Variants in MAML3 observed in about 807,000 individuals in gnomAD.
MAML3 encodes mastermind like transcriptional coactivator 3, also known as mastermind-like protein 3.
A neutral mutation model predicts 101.9 loss-of-function variants in MAML3; 27 were observed. The ratio of observed to expected loss-of-function variants is 0.27; its 90% CI spans 0.20 to 0.37. The LOEUF is 0.37. MAML3 is among the 10% of genes least tolerant of loss of function. The pLI is 1.00. For missense variants in MAML3, 1,316 were observed against 1,444.9 expected, an observed-to-expected ratio of 0.91 and a Z score of 1.45; for synonymous variants, 501 against 555.9, an observed-to-expected ratio of 0.90 and a Z score of 1.39.
At chr4:139,932,609 G>T (rs1037863254) in intron 1 of MAML3, among the ~76,000 whole-genome samples, 4 of 152,114 alleles carry the variant, frequency 2.6e-5, no homozygotes, top group Admixed American at 1.3e-4. Context: ...CACTATCTTT[G>T]AACCAAGTCT....
At chr4:139,996,475 TG>T (rs1193414040) in intron 1 of MAML3, among the ~76,000 whole-genome samples, 9 of 152,162 alleles carry the variant, frequency 5.9e-5, no homozygotes, top group African/African-American at 2.2e-4. Context: ...AATACATAGT[TG>T]GTGTATATTC....
chr4:140,044,840 G>A (rs138553196), intron 1 of MAML3, among the ~76,000 whole-genome samples: 232 of 152,250 alleles, frequency 1.5e-3, no homozygotes, highest in African/African-American at 5.2e-3. Context: ...AGTCATTTGT[G>A]TGCCTCTTAT....
chr4:139,814,875 G>A (rs1206608027), intron 2 of MAML3, among the ~76,000 whole-genome samples: 1 of 152,148 alleles, frequency 6.6e-6, no homozygotes, highest in Admixed American at 6.5e-5. Flanking sequence ...CCTGGGCAAC[G>A]GAAGACAAAG....
intron 1 of MAML3, among the ~76,000 whole-genome samples, chr4:139,892,696 G>C (rs1732525527): frequency 6.6e-6 from 1 of 151,868 alleles, no homozygotes; most frequent in African/African-American, 2.4e-5. Context: ...GGGGCCGGGA[G>C]CGGTGGCTCA....
intron 2 of MAML3, among the ~76,000 whole-genome samples, chr4:139,859,059 T>G (rs1422002434): frequency 8.6e-5 from 13 of 152,024 alleles, no homozygotes; most frequent in Non-Finnish European, 2.9e-5. Context: ...TCAGTGAATA[T>G]CAAAAGGCAG....
chr4:139,900,054 G>A (rs773665974), intron 1 of MAML3, among the ~76,000 whole-genome samples: 2 of 77,404 alleles, frequency 2.6e-5, no homozygotes, highest in African/African-American at 8.5e-5. Context: ...CGGGGGCACC[G>A]CGGAGCCCCC....
At chr4:139,748,773 T>G (rs923665576) in intron 2 of MAML3, among the ~76,000 whole-genome samples, 3 of 144,696 alleles carry the variant, frequency 2.1e-5, no homozygotes, top group African/African-American at 7.8e-5. Flanking sequence ...AGCTCCGAGG[T>G]TTTGAACAGT....
intron 1 of MAML3, among the ~76,000 whole-genome samples, chr4:140,049,432 G>C (rs1727232386): frequency 6.6e-6 from 1 of 152,146 alleles, no homozygotes; most frequent in Non-Finnish European, 1.5e-5. Flanking sequence ...AGGAGAGGCA[G>C]GAAGCAACGC....
intron 2 of MAML3, among the ~76,000 whole-genome samples, chr4:139,741,406 T>C (rs1437978034): frequency 6.6e-6 from 1 of 152,168 alleles, no homozygotes; most frequent in Non-Finnish European, 1.5e-5. Context: ...ACATATATAG[T>C]CACTGAGAAA....
intron 1 of MAML3, among the ~76,000 whole-genome samples, chr4:140,050,484 C>T (rs1415946446): frequency 1.3e-5 from 2 of 152,158 alleles, no homozygotes; most frequent in African/African-American, 4.8e-5. Flanking sequence ...GGAGTAAAAG[C>T]CACTGACTAC....
intron 1 of MAML3, among the ~76,000 whole-genome samples, chr4:140,048,125 A>C (rs914411330): frequency 1.3e-5 from 2 of 152,194 alleles, no homozygotes; most frequent in African/African-American, 4.8e-5. Context: ...GAGACTAATG[A>C]TCACTTTTCT....
At chr4:139,831,125 A>C (rs1731157230) in intron 2 of MAML3, among the ~76,000 whole-genome samples, 1 of 152,198 alleles carries the variant, frequency 6.6e-6, no homozygotes, top group Non-Finnish European at 1.5e-5. Flanking sequence ...ACTTTCTCAT[A>C]ATCAAGGGAC....
At position 139,730,455 on chromosome 4, in the gene MAML3, CT is replaced by C. The variant is rs1728656934; in HGVS notation, c.2291del (p.Gln764ArgfsTer48). 3.2e-5 allele frequency: 49 copies of C among 1,552,106 alleles called. No individual in the cohort carries two copies. The highest frequency in any genetic ancestry group is 3.7e-5 in the Non-Finnish European group (43 of 1,147,364). On this transcript the variant is annotated frameshift_variant, in exon 3 of 5. Coordinates refer to ENST00000509479, the MANE Select transcript of MAML3 (RefSeq NM_018717.5). LOFTEE classifies it high-confidence loss of function. ...TCTGCTGCTGCTGCTGCTGCTGCTG[CT>C]GCCTTTGCTCCCGCAGGAACTGTTG... is the stretch of plus-strand genomic sequence containing the variant. ...QKQQFLREQR[Q>X]QQQQQQQQIL...
intron 1 of MAML3, among the ~76,000 whole-genome samples, chr4:140,004,139 C>T (rs529034072): frequency 1.3e-5 from 2 of 152,298 alleles, no homozygotes; most frequent in East Asian, 3.9e-4. Flanking sequence ...TTCTGAACAC[C>T]ATACCTGGCT....
chr4:139,971,090 T>C (rs1734227632), intron 1 of MAML3, among the ~76,000 whole-genome samples: 1 of 152,226 alleles, frequency 6.6e-6, no homozygotes, highest in South Asian at 2.1e-4. Flanking sequence ...TCTTTTCATA[T>C]CCCAGTTTTC....
At chr4:139,982,150 C>T (rs1305109358) in intron 1 of MAML3, among the ~76,000 whole-genome samples, 3 of 152,210 alleles carry the variant, frequency 2.0e-5, no homozygotes, top group African/African-American at 7.2e-5. Context: ...TCTTCTTCCA[C>T]ATTGATTTTT....
intron 2 of MAML3, among the ~76,000 whole-genome samples, chr4:139,845,088 T>C (rs1731419372): frequency 6.6e-6 from 1 of 152,164 alleles, no homozygotes. Flanking sequence ...GTCCAATACT[T>C]ACTAAAGCCT....
rs79514873 is a variant in MAML3 at position 139,816,898 on chromosome 4, T to G, written c.2079+72459A>C. ...ACACGGAGGGAATATAATGAATGGA[T>G]GTATGTGAATGTGCTAGTCATTCCT... On this transcript the variant is annotated intron_variant, in intron 2 of 4. Transcript: ENST00000509479. Among the ~76,000 whole-genome samples, 927 of 152,304 alleles carry G rather than the reference T, an allele frequency of 6.1e-3. 13 individuals carry two copies. Among genetic ancestry groups the G allele is most frequent in the African/African-American group, 0.021 (869 of 41,558 alleles).
intron 2 of MAML3, among the ~76,000 whole-genome samples, chr4:139,734,776 T>C (rs909804244): frequency 3.9e-5 from 6 of 152,228 alleles, no homozygotes; most frequent in African/African-American, 1.2e-4. Context: ...AGAACATGCA[T>C]AGTGTTTGGG....
Sources: gnomAD v4.1 joint callset for allele counts (sites outside exome capture counted in the v4.1 genomes callset) on GRCh38, gnomAD v4.1.1 for gene constraint, MANE v1.5 for transcripts, NCBI Gene and HGNC (gene_info 2026-07-23, HGNC 2026-07-21) for gene names.